GLRA2: variants seen among roughly 807,000 people sequenced by gnomAD.
The protein encoded by GLRA2 is glycine receptor alpha 2.
A neutral mutation model predicts 31.6 loss-of-function variants in GLRA2; 11 were observed. The ratio of observed to expected loss-of-function variants is 0.35; its 90% CI spans 0.22 to 0.58. The LOEUF is 0.58. Among genes scored for constraint, GLRA2 ranks in the 20% least tolerant of loss-of-function variants. GLRA2 has a pLI of 0.84. For synonymous variants in GLRA2, 132 were observed against 134.0 expected, an observed-to-expected ratio of 0.99 and a Z score of 0.10; for missense variants, 212 against 351.8, an observed-to-expected ratio of 0.60 and a Z score of 3.18.
chrX:14,615,483 T>C (rs1304022849), intron 7 of GLRA2, among the ~76,000 whole-genome samples: 4 of 111,182 alleles, frequency 3.6e-5, no homozygotes, highest in East Asian at 2.8e-4. Context: ...TAAAAAGATA[T>C]ATGAAGTAAG....
In GLRA2 at chrX:14,690,675, CTCTGTGTGTGTGTGTG is replaced by C; in HGVS notation, c.931-31_931-16del. The C allele has an allele frequency of 1.1e-6, 1 of 942,648 alleles. No individual in the cohort carries two copies. Among genetic ancestry groups the C allele is most frequent in the Non-Finnish European group, 1.5e-6 (1 of 656,803 alleles). The allele number at this position is 942,648 out of a possible 1,213,427, so 77.7% of individuals were successfully genotyped here. A position where few individuals can be genotyped will look rare whatever the true frequency, so the allele number is the denominator to read the frequency against. Reference sequence around the variant, plus strand: ...AGTCTTTCTTTCTCTCTCTCTCTCTCTCTGTGTGTGTGTGTGTCTCTCTCTCTCTCTCAGGTCTCCT... The same window carrying C: ...AGTCTTTCTTTCTCTCTCTCTCTCTCTCTCTCTCTCTCTCTCAGGTCTCCT... On this transcript the variant is annotated intron_variant, in intron 7 of 8. Coordinates refer to ENST00000218075, the MANE Select transcript of GLRA2 (RefSeq NM_002063.4).
intron 3 of GLRA2, among the ~76,000 whole-genome samples, chrX:14,576,723 T>G (rs2089963122): frequency 8.9e-6 from 1 of 112,350 alleles, no homozygotes; most frequent in African/African-American, 3.2e-5. Context: ...CTACTGAAAG[T>G]TTAATAAATG....
At chrX:14,707,876 G>A (rs886690256) in intron 8 of GLRA2, among the ~76,000 whole-genome samples, 1 of 110,318 alleles carries the variant, frequency 9.1e-6, no homozygotes, top group African/African-American at 3.3e-5. Context: ...TAAGGTATAC[G>A]ACTTGATGAT....
intron 7 of GLRA2, among the ~76,000 whole-genome samples, chrX:14,687,189 G>C (rs1212080884): frequency 8.9e-6 from 1 of 112,196 alleles, no homozygotes. Flanking sequence ...AGTCTGATGG[G>C]CTTCCCTTTG....
chrX:14,485,494 T>C, the GLRA2 span, among the ~76,000 whole-genome samples: 16 of 111,687 alleles, frequency 1.4e-4, no homozygotes, highest in African/African-American at 5.2e-4. Context: ...ATTTATGGTG[T>C]ACAACATGAT....
At chrX:14,529,006 G>A (rs2089217477), upstream of GLRA2, among the ~76,000 whole-genome samples, 1 of 111,191 alleles carries the variant, frequency 9.0e-6, no homozygotes, top group African/African-American at 3.3e-5. Context: ...AGGCATAAAG[G>A]ACTTCTAAAT....
At chrX:14,638,467 G>C (rs1464852410) in intron 7 of GLRA2, among the ~76,000 whole-genome samples, 1 of 110,840 alleles carries the variant, frequency 9.0e-6, no homozygotes, top group Admixed American at 9.6e-5. Flanking sequence ...ATTTTATTTT[G>C]TTATTTTTAC....
At chrX:14,572,987 G>C (rs974704010) in intron 2 of GLRA2, among the ~76,000 whole-genome samples, 1 of 111,878 alleles carries the variant, frequency 8.9e-6, no homozygotes, top group East Asian at 2.8e-4. Flanking sequence ...AGAGTTCTGA[G>C]GGGTATAAGG....
the GLRA2 span, among the ~76,000 whole-genome samples, chrX:14,473,115 TG>T: frequency 2.7e-5 from 3 of 111,040 alleles, no homozygotes; most frequent in Non-Finnish European, 5.7e-5. Flanking sequence ...GAGAGGAGAT[TG>T]GGGGGAAAGT....
intron 8 of GLRA2, among the ~76,000 whole-genome samples, chrX:14,725,500 C>G (rs1212642073): frequency 9.0e-6 from 1 of 111,661 alleles, no homozygotes; most frequent in Non-Finnish European, 1.9e-5. Context: ...AAAGGAGGCT[C>G]AGTCCAATAA....
intron 2 of GLRA2, among the ~76,000 whole-genome samples, chrX:14,568,705 A>G (rs1483100162): frequency 3.2e-5 from 2 of 63,217 alleles, no homozygotes; most frequent in East Asian, 3.2e-4. Context: ...AAAAAAAAAA[A>G]AAAAGAAAAG....
the GLRA2 span, among the ~76,000 whole-genome samples, chrX:14,452,713 C>T: frequency 1.8e-5 from 2 of 111,695 alleles, no homozygotes. Context: ...GATTAGTGTT[C>T]GGACATATAC....
At chrX:14,728,649 G>A (rs2091955018) in intron 8 of GLRA2, among the ~76,000 whole-genome samples, 1 of 111,989 alleles carries the variant, frequency 8.9e-6, no homozygotes, top group South Asian at 3.7e-4. Context: ...GGCTTCACCA[G>A]AGATACTGTA....
chrX:14,615,307 A>T (rs945011394), intron 7 of GLRA2, among the ~76,000 whole-genome samples: 2 of 111,590 alleles, frequency 1.8e-5, no homozygotes, highest in Non-Finnish European at 3.8e-5. Flanking sequence ...TCAATTGATG[A>T]TTCATCCATC....
chrX:14,540,146 A>G (rs1168073901), intron 2 of GLRA2, among the ~76,000 whole-genome samples: 2 of 111,753 alleles, frequency 1.8e-5, no homozygotes, highest in Admixed American at 9.5e-5. Context: ...AAAAACTGGA[A>G]TATAATTTGT....
chrX:14,658,750 A>C (rs1253433315), intron 7 of GLRA2, among the ~76,000 whole-genome samples: 1 of 112,110 alleles, frequency 8.9e-6, no homozygotes, highest in Non-Finnish European at 1.9e-5. Context: ...CTCATCAAAC[A>C]GGCAGCCCTA....
At chrX:14,616,267 T>C (rs2090453192) in intron 7 of GLRA2, among the ~76,000 whole-genome samples, 1 of 111,993 alleles carries the variant, frequency 8.9e-6, no homozygotes, top group African/African-American at 3.2e-5. Flanking sequence ...TGAGTCCTCA[T>C]TTGTGGCTGA....
intron 7 of GLRA2, among the ~76,000 whole-genome samples, chrX:14,631,639 C>A (rs1485574812): frequency 1.8e-5 from 2 of 108,885 alleles, no homozygotes; most frequent in African/African-American, 6.7e-5. Context: ...TCAACTTTTC[C>A]AGTCTGGCTT....
intron 8 of GLRA2, among the ~76,000 whole-genome samples, chrX:14,704,853 AATTTTAGAGGTCAAT>A (rs964235028): frequency 8.9e-6 from 1 of 112,007 alleles, no homozygotes; most frequent in Non-Finnish European, 1.9e-5. Flanking sequence ...GTTTTCACAA[AATTTTAGAGGTCAAT>A]ATCAGAAAAA....
Sources: gnomAD v4.1 joint callset for allele counts (sites outside exome capture counted in the v4.1 genomes callset) on GRCh38, gnomAD v4.1.1 for gene constraint, MANE v1.5 for transcripts, NCBI Gene and HGNC (gene_info 2026-07-23, HGNC 2026-07-21) for gene names.